The following MYO16 variants were observed in gnomAD, a reference collection of about 807,000 sequenced individuals.
MYO16 encodes myosin XVI, also known as unconventional myosin-XVI.
A neutral mutation model predicts 205.3 loss-of-function variants in MYO16; 94 were observed. That is an observed-to-expected ratio of 0.46 (90% CI 0.39 to 0.54). The LOEUF is 0.54. MYO16 is among the 20% of genes least tolerant of loss of function. The pLI, the probability that MYO16 is intolerant of heterozygous loss-of-function variation, is 0.00. For missense variants in MYO16, 2,315 were observed against 2,387.5 expected (o/e 0.97, Z 0.63); for synonymous variants, 988 against 954.0 (o/e 1.04, Z -0.66).
rs774812688 is a variant in MYO16 at position 109,140,994 on chromosome 13, GCCGCCC to G, written c.4801_4806del (p.Pro1601_Pro1602del). 8.8e-5 allele frequency: 117 copies of G among 1,336,820 alleles called. No homozygotes were observed. In the Middle Eastern group the frequency reaches 1.1e-3, roughly 13 times the overall value. The allele number at this position is 1,336,820 out of a possible 1,614,324, so 82.8% of individuals were successfully genotyped here. A position where few individuals can be genotyped will look rare whatever the true frequency, so the allele number is the denominator to read the frequency against. On this transcript the variant is annotated inframe_deletion, in exon 32 of 35. Coordinates refer to ENST00000457511, the MANE Select transcript of MYO16 (RefSeq NM_001198950.3). This position sits in a 1 kb window ranked among gnomAD's most constrained non-coding sequence, Gnocchi z 8.0. ...CCGGCCGAGCCTCCCCGCCGTCCAC[GCCGCCC>G]CCGCCCCCGCCCCCGCCCGGGCCGC...
At chr13:109,188,728 A>G (rs1879789110) in intron 34 of MYO16, among the ~76,000 whole-genome samples, 2 of 152,198 alleles carry the variant, frequency 1.3e-5, no homozygotes, top group Non-Finnish European at 2.9e-5. Flanking sequence ...CAAAGGCCCA[A>G]GAGCCCCTGG....
intron 12 of MYO16, among the ~76,000 whole-genome samples, chr13:108,870,172 A>G (rs1222591507): frequency 6.6e-6 from 1 of 151,928 alleles, no homozygotes; most frequent in Non-Finnish European, 1.5e-5. Context: ...TTCTGTACCA[A>G]TTGTTGATAT....
At chr13:109,005,712 C>A (rs1436026784) in intron 21 of MYO16, among the ~76,000 whole-genome samples, 1 of 152,084 alleles carries the variant, frequency 6.6e-6, no homozygotes, top group Admixed American at 6.5e-5. Flanking sequence ...CACCTACGCA[C>A]AACATTCTAA....
intron 27 of MYO16, among the ~76,000 whole-genome samples, chr13:109,073,953 C>T (rs2139654499): frequency 6.6e-6 from 1 of 152,306 alleles, no homozygotes; most frequent in East Asian, 1.9e-4. Context: ...TTGCTTTTTG[C>T]ACCACGGGAA....
intron 12 of MYO16, 56 bp downstream of exon 12, chr13:108,866,298 T>C (rs995854347): frequency 2.7e-6 from 3 of 1,091,034 alleles, no homozygotes; most frequent in Non-Finnish European, 3.9e-6. Flanking sequence ...TTTCTAGTCA[T>C]ACATGTTTGT....
intron 1 of MYO16, chr13:108,659,284 TAC>T (rs1881390471): frequency 1.0e-5 from 2 of 198,380 alleles, no homozygotes; most frequent in Non-Finnish European, 1.9e-5. Flanking sequence ...TATGATAGTA[TAC>T]ATATATATCA....
At chr13:108,778,521 A>T (rs1210927867) in intron 4 of MYO16, among the ~76,000 whole-genome samples, 1 of 152,224 alleles carries the variant, frequency 6.6e-6, no homozygotes, top group East Asian at 1.9e-4. Context: ...TGGGAGGCTG[A>T]GGCAGGAGAA....
intron 22 of MYO16, among the ~76,000 whole-genome samples, chr13:109,012,797 A>ATATATG (rs1315420710): frequency 6.7e-6 from 1 of 148,884 alleles, no homozygotes. Context: ...ATATATATAT[A>ATATATG]TGTATATGAT....
intron 9 of MYO16, among the ~76,000 whole-genome samples, chr13:108,824,485 A>G (rs1876150343): frequency 6.6e-6 from 1 of 152,070 alleles, no homozygotes; most frequent in Non-Finnish European, 1.5e-5. Context: ...TGGTTGCTGG[A>G]AAGAGCTTTG....
rs1383716205 is a variant in MYO16, at chr13:108,712,647, T to C, written c.293-14T>C. ...GACTCTCTGTAACTCCATTCTCCTC[T>C]CTGTTGTTTTCAGTGCTTCGGCTCC... On this transcript the variant is annotated splice_polypyrimidine_tract_variant and intron_variant, in intron 2 of 34. Coordinates refer to ENST00000457511, the MANE Select transcript of MYO16 (RefSeq NM_001198950.3). The C allele has an allele frequency of 1.9e-6, 3 of 1,612,520 alleles. No homozygotes were observed. In the Admixed American group the frequency reaches 5.0e-5, roughly 27 times the overall value.
At chr13:108,853,717 C>T (rs1878010759) in intron 10 of MYO16, among the ~76,000 whole-genome samples, 1 of 151,732 alleles carries the variant, frequency 6.6e-6, no homozygotes, top group African/African-American at 2.4e-5. Flanking sequence ...ACCCAAACCC[C>T]TCAGCCTTCC....
intron 27 of MYO16, among the ~76,000 whole-genome samples, chr13:109,059,529 T>A (rs1887517342): frequency 6.6e-6 from 1 of 152,196 alleles, no homozygotes. Context: ...ATGTGCTTTT[T>A]TTCATATGTT....
At chr13:108,854,172 T>C (rs1878049771) in intron 10 of MYO16, among the ~76,000 whole-genome samples, 1 of 152,178 alleles carries the variant, frequency 6.6e-6, no homozygotes, top group South Asian at 2.1e-4. Context: ...TTTTTTTGTA[T>C]TTTTAGTAGA....
the MYO16 span, among the ~76,000 whole-genome samples, chr13:108,517,909 ACAAGGGG>A: frequency 1.6e-4 from 25 of 152,310 alleles, no homozygotes; most frequent in African/African-American, 5.8e-4. Context: ...TGTCACTGGT[ACAAGGGG>A]CAAGGGAACT....
intron 32 of MYO16, among the ~76,000 whole-genome samples, chr13:109,156,853 C>G (rs1428868815): frequency 6.6e-6 from 1 of 152,224 alleles, no homozygotes. Flanking sequence ...CCTCCTCACA[C>G]TCGAGAGTGT....
intron 1 of MYO16, among the ~76,000 whole-genome samples, chr13:108,639,266 G>C (rs779275858): frequency 2.0e-5 from 3 of 152,146 alleles, no homozygotes; most frequent in Non-Finnish European, 4.4e-5. Context: ...GGCGTGGTCT[G>C]ACTAGAGAGG....
chr13:108,964,382 G>A (rs1883707875), intron 19 of MYO16, among the ~76,000 whole-genome samples: 2 of 152,102 alleles, frequency 1.3e-5, no homozygotes, highest in Non-Finnish European at 2.9e-5. Context: ...AAATATATCT[G>A]ATTTTCCAGA....
At chr13:109,099,116 G>A (rs1003472927) in intron 27 of MYO16, among the ~76,000 whole-genome samples, 4 of 152,058 alleles carry the variant, frequency 2.6e-5, no homozygotes, top group African/African-American at 4.8e-5. Flanking sequence ...CAAGGCTCTC[G>A]TCTCTTTAGC....
At chr13:109,181,689 T>A (rs375681072) in intron 34 of MYO16, among the ~76,000 whole-genome samples, 7 of 152,154 alleles carry the variant, frequency 4.6e-5, no homozygotes, top group African/African-American at 1.7e-4. Flanking sequence ...TATGGAAAAT[T>A]CACTGAGTCC....
Sources: gnomAD v4.1 joint callset for allele counts (sites outside exome capture counted in the v4.1 genomes callset) on GRCh38, gnomAD v4.1.1 for gene constraint, Gnocchi (gnomAD v3.1) non-coding constraint, MANE v1.5 for transcripts, NCBI Gene and HGNC (gene_info 2026-07-23, HGNC 2026-07-21) for gene names.